The following CLDN14 variants were observed in gnomAD, a reference collection of about 807,000 sequenced individuals.
CLDN14 encodes the protein claudin 14.
Under a neutral mutation model 2.1 loss-of-function variants are expected in CLDN14, and 2 were observed. The ratio of observed to expected loss-of-function variants is 0.96; its 90% CI spans 0.39 to 3.01. CLDN14 has a LOEUF of 3.01. Among genes scored for constraint, CLDN14 ranks in the 30% most tolerant of loss-of-function variants. The probability of loss-of-function intolerance (pLI) is 0.09; values close to 1 mark genes in which losing one functional copy is unlikely to be tolerated. For synonymous variants in CLDN14, 136 were observed against 154.4 expected (o/e 0.88, Z 0.88); for missense variants, 298 against 328.0 (o/e 0.91, Z 0.71).
At chr21:36,558,042 C>G (rs1222029018) in intron 1 of CLDN14, among the ~76,000 whole-genome samples, 1 of 152,144 alleles carries the variant, frequency 6.6e-6, no homozygotes, top group Admixed American at 6.6e-5. Context: ...ACTGTCCTTT[C>G]TCTGGTGTAC....
chr21:36,540,666 G>A (rs569776430), intron 1 of CLDN14, among the ~76,000 whole-genome samples: 34 of 152,154 alleles, frequency 2.2e-4, no homozygotes, highest in Non-Finnish European at 4.1e-4. Context: ...GAGGGACTGG[G>A]GGGCAGGGCT....
chr21:36,522,734 C>G (rs973905749), intron 1 of CLDN14, among the ~76,000 whole-genome samples: 1 of 152,200 alleles, frequency 6.6e-6, no homozygotes, highest in Non-Finnish European at 1.5e-5. Flanking sequence ...CTTTTCCAAA[C>G]TTTGGCTTTT....
At chr21:36,527,305 C>T (rs753991481) in intron 1 of CLDN14, among the ~76,000 whole-genome samples, 37 of 152,114 alleles carry the variant, frequency 2.4e-4, no homozygotes, top group African/African-American at 4.8e-4. Flanking sequence ...ATTTTGTTGC[C>T]GGGAGTGACT....
In CLDN14 at chr21:36,461,032, C is replaced by T. The variant is rs138008896; in HGVS notation, c.664G>A (p.Ala222Thr). The change falls in exon 2 of 2, where the codon GCC (alanine) becomes ACC (threonine). Residue 222 changes from alanine to threonine, a missense_variant. Coordinates refer to ENST00000399135, the MANE Select transcript of CLDN14 (RefSeq NM_001146079.2). ...TGCGTGGCCGAGGTCACTGAGGGGG[C>T]CCGATTGTCTTTGTAGGCAGCTGGT... ...QPPAAYKDNR[A>T]PSVTSATHSG... The T allele has an allele frequency of 1.7e-5, 27 of 1,613,552 alleles. No individual in the cohort carries two copies. In the African/African-American group the frequency reaches 2.8e-4, roughly 17 times the overall value.
intron 1 of CLDN14, among the ~76,000 whole-genome samples, chr21:36,524,137 C>T (rs1474669001): frequency 1.3e-5 from 2 of 150,092 alleles, no homozygotes; most frequent in East Asian, 3.9e-4. Flanking sequence ...TTTAATGAGA[C>T]GGGGTCTCAC....
At chr21:36,520,951 C>A (rs1210010661) in intron 1 of CLDN14, among the ~76,000 whole-genome samples, 5 of 152,044 alleles carry the variant, frequency 3.3e-5, no homozygotes, top group Admixed American at 3.3e-4. Context: ...GGACCTAGTC[C>A]AAGGTAACGT....
intron 2 of CLDN14, among the ~76,000 whole-genome samples, chr21:36,500,067 C>T (rs920253180): frequency 1.1e-4 from 17 of 152,146 alleles, no homozygotes; most frequent in African/African-American, 3.9e-4. Flanking sequence ...GCAACTCAGG[C>T]AAGGTTTTCA....
At chr21:36,483,859 T>C (rs2086870022), upstream of CLDN14, among the ~76,000 whole-genome samples, 1 of 152,140 alleles carries the variant, frequency 6.6e-6, no homozygotes. Context: ...TGGAGGAGTC[T>C]CCTTCCCTCC....
chr21:36,532,452 G>T (rs1452256717), intron 1 of CLDN14: 1 of 152,030 alleles, frequency 6.6e-6, no homozygotes, highest in Non-Finnish European at 1.5e-5. Context: ...GTTGTGGGGT[G>T]GGGGGAGTGG....
intron 1 of CLDN14, among the ~76,000 whole-genome samples, chr21:36,470,922 G>T (rs971318285): frequency 6.6e-6 from 1 of 152,270 alleles, no homozygotes; most frequent in Non-Finnish European, 1.5e-5. Context: ...ATTGCAATAA[G>T]CAGAGATTGT....
intron 1 of CLDN14, among the ~76,000 whole-genome samples, chr21:36,537,479 G>A (rs2087433520): frequency 6.6e-6 from 1 of 152,176 alleles, no homozygotes; most frequent in Non-Finnish European, 1.5e-5. Context: ...GAACTGGATA[G>A]TAGATGACGC....
At chr21:36,475,610 G>T (rs1027587231) in intron 1 of CLDN14, among the ~76,000 whole-genome samples, 2 of 152,160 alleles carry the variant, frequency 1.3e-5, no homozygotes, top group East Asian at 3.9e-4. Context: ...GAGTGCAGTG[G>T]CACAATCACG....
At chr21:36,534,392 T>TC (rs2087407977) in intron 1 of CLDN14, among the ~76,000 whole-genome samples, 1 of 151,960 alleles carries the variant, frequency 6.6e-6, no homozygotes, top group African/African-American at 2.4e-5. Context: ...CCCAGGACGA[T>TC]CCCCCCGTGG....
upstream of CLDN14, among the ~76,000 whole-genome samples, chr21:36,482,985 T>C (rs930809213): frequency 6.6e-6 from 1 of 152,250 alleles, no homozygotes; most frequent in African/African-American, 2.4e-5. Context: ...CTTTAGGTAC[T>C]CCTATTAACC....
intron 1 of CLDN14, among the ~76,000 whole-genome samples, chr21:36,537,420 A>T (rs1054208133): frequency 3.9e-5 from 6 of 152,126 alleles, no homozygotes; most frequent in Admixed American, 2.6e-4. Context: ...TTATTTTTTT[A>T]AAAAAGCTAT....
chr21:36,489,134 ATAT>A (rs1568855491), intron 2 of CLDN14, among the ~76,000 whole-genome samples: 9 of 85,654 alleles, frequency 1.1e-4, no homozygotes, highest in African/African-American at 3.5e-4. Context: ...AAAAAAAAAT[ATAT>A]ATATATATAT....
At chr21:36,560,012 T>C (rs1484949245) in intron 1 of CLDN14, among the ~76,000 whole-genome samples, 3 of 152,212 alleles carry the variant, frequency 2.0e-5, no homozygotes, top group South Asian at 2.1e-4. Context: ...GGAACGTTCA[T>C]GGAATTAAAG....
chr21:36,564,184 A>G (rs903581738), intron 1 of CLDN14, among the ~76,000 whole-genome samples: 1 of 152,214 alleles, frequency 6.6e-6, no homozygotes, highest in African/African-American at 2.4e-5. Context: ...CTTTTCTTGC[A>G]GTGTTATATA....
At position 36,460,999 on chromosome 21, in the gene CLDN14, A is replaced by G; in HGVS notation, c.697T>C (p.Tyr233His). The change falls in exon 2 of 2, where the codon TAC (tyrosine) becomes CAC (histidine). Residue 233 changes from tyrosine to histidine, a missense_variant. By Grantham distance (83) the Tyr-to-His change is moderately conservative (BLOSUM62 2). Transcript: ENST00000399135. The surrounding 1 kb of genome is among the most constrained non-coding windows in gnomAD (Gnocchi z 4.0). Reference sequence around the variant, plus strand: ...ACTCACACGTAGTCGTTCAGCCTGTACCCGCTGTGCGTGGCCGAGGTCACT... The same window carrying G: ...ACTCACACGTAGTCGTTCAGCCTGTGCCCGCTGTGCGTGGCCGAGGTCACT... ...PSVTSATHSG[Y>H]RLNDYV is the part of the protein sequence containing the mutation. The G allele has an allele frequency of 6.2e-7, 1 of 1,612,956 alleles. No homozygotes were observed. Among genetic ancestry groups the G allele is most frequent in the Non-Finnish European group, 8.5e-7 (1 of 1,179,928 alleles).
Sources: gnomAD v4.1 joint callset for allele counts (sites outside exome capture counted in the v4.1 genomes callset) on GRCh38, gnomAD v4.1.1 for gene constraint, Gnocchi (gnomAD v3.1) non-coding constraint, MANE v1.5 for transcripts, NCBI Gene and HGNC (gene_info 2026-07-23, HGNC 2026-07-21) for gene names.